Variants in SOX6 observed in about 807,000 individuals in gnomAD.
SOX6 encodes SRY-box transcription factor 6.
Under a neutral mutation model 97.8 loss-of-function variants are expected in SOX6, and 11 were observed. The ratio of observed to expected loss-of-function variants is 0.11; its 90% confidence interval spans 0.07 to 0.19. The LOEUF (loss-of-function observed/expected upper bound fraction) is 0.19, where lower values mean the gene tolerates loss of function less well. Among genes scored for constraint, SOX6 ranks in the 10% least tolerant of loss-of-function variants. The pLI, the probability that SOX6 is intolerant of heterozygous loss-of-function variation, is 1.00. For missense variants in SOX6, 810 were observed against 1,039.5 expected, an observed-to-expected ratio of 0.78 and a Z score of 3.04; for synonymous variants, 360 against 371.4, an observed-to-expected ratio of 0.97 and a Z score of 0.35.
At position 16,049,736 on chromosome 11, in the gene SOX6, T is replaced by G; in HGVS notation, c.1435+19A>C. 1 of 1,612,940 alleles carries G rather than the reference T, an allele frequency of 6.2e-7. No homozygotes were observed. The highest frequency in any genetic ancestry group is 8.5e-7 in the Non-Finnish European group (1 of 1,179,702). On this transcript the variant is annotated intron_variant, in intron 11 of 15. Coordinates refer to ENST00000683767, the MANE Select transcript of SOX6 (RefSeq NM_001367873.1). ...ACCTAATTCGTAAGTCTCTTCCTGG[T>G]GTTGACTTTTCCATTTACCTAAAGA...
chr11:16,433,515 CA>C (rs1220810657), intron 1 of SOX6, among the ~76,000 whole-genome samples: 1 of 152,064 alleles, frequency 6.6e-6, no homozygotes, highest in Non-Finnish European at 1.5e-5. Flanking sequence ...TTTCAATTAT[CA>C]ACCAATGGAT....
intron 1 of SOX6, among the ~76,000 whole-genome samples, chr11:16,471,914 A>G (rs1860148117): frequency 6.6e-6 from 1 of 152,238 alleles, no homozygotes; most frequent in Non-Finnish European, 1.5e-5. Context: ...GACTAGCATG[A>G]CATGTGCCTA....
intron 3 of SOX6, among the ~76,000 whole-genome samples, chr11:16,707,301 T>A: frequency 6.6e-6 from 1 of 151,520 alleles, no homozygotes. Flanking sequence ...CATGTCTGTG[T>A]GTCAAAGAAA....
chr11:16,120,581 T>TATATATATATATATAC (rs140473523), intron 6 of SOX6, among the ~76,000 whole-genome samples: 11 of 149,630 alleles, frequency 7.4e-5, no homozygotes, highest in East Asian at 4.0e-4. Context: ...TATATATATA[T>TATATATATATATATAC]ACACACACTT....
intron 4 of SOX6, among the ~76,000 whole-genome samples, chr11:16,509,516 T>C (rs1565166896): frequency 6.6e-6 from 1 of 152,026 alleles, no homozygotes; most frequent in Non-Finnish European, 1.5e-5. Flanking sequence ...TATAACATGC[T>C]GTTTTTCAAA....
At chr11:16,478,942 C>A (rs75812254), upstream of SOX6, among the ~76,000 whole-genome samples, 1 of 152,174 alleles carries the variant, frequency 6.6e-6, no homozygotes, top group Non-Finnish European at 1.5e-5. Context: ...ATCCTCAGAA[C>A]GCCTAATCAC....
At chr11:16,433,956 C>T (rs1281936974) in intron 1 of SOX6, among the ~76,000 whole-genome samples, 1 of 152,014 alleles carries the variant, frequency 6.6e-6, no homozygotes, top group African/African-American at 2.4e-5. Context: ...ACACAAAGGC[C>T]TTCAGGATTT....
intron 3 of SOX6, chr11:16,264,679 G>A (rs1164161908): frequency 7.1e-5 from 1 of 14,086 alleles, no homozygotes; most frequent in Non-Finnish European, 2.5e-3. Context: ...TAACTTCCAT[G>A]CCCTCCAAAA....
chr11:16,484,983 C>T (rs74489430), intron 4 of SOX6, among the ~76,000 whole-genome samples: 3 of 152,140 alleles, frequency 2.0e-5, no homozygotes, highest in African/African-American at 7.2e-5. Context: ...ATACTATTCA[C>T]ACCCACTAGG....
chr11:16,579,026 T>G (rs1184317255), intron 4 of SOX6, among the ~76,000 whole-genome samples: 2 of 152,148 alleles, frequency 1.3e-5, no homozygotes, highest in Non-Finnish European at 2.9e-5. Context: ...TTGTCTGAGC[T>G]GTGATTCTAT....
intron 4 of SOX6, among the ~76,000 whole-genome samples, chr11:16,609,685 C>T (rs578072115): frequency 2.4e-4 from 37 of 152,322 alleles, no homozygotes; most frequent in Non-Finnish European, 4.6e-4. Context: ...TTAAAATATA[C>T]TCCATGTTGG....
In SOX6 at chr11:16,006,628, G is replaced by A. The variant is rs188884366; in HGVS notation, c.1732+8314C>T. ...TTATCTCCAGCCACACTTCTATCAG[G>A]TTTTCCAGAACCATTGCTGTCCACA... is the stretch of plus-strand genomic sequence containing the variant. On this transcript the variant is annotated intron_variant, in intron 13 of 15. Coordinates refer to ENST00000683767, the MANE Select transcript of SOX6 (RefSeq NM_001367873.1). Among the ~76,000 whole-genome samples the A allele has an allele frequency of 1.7e-3, 262 of 152,032 alleles. 3 individuals are homozygous for A. Among genetic ancestry groups the A allele is most frequent in the Admixed American group, 3.0e-3 (46 of 15,224 alleles).
At chr11:16,501,197 T>C (rs1283625805) in intron 4 of SOX6, among the ~76,000 whole-genome samples, 2 of 152,082 alleles carry the variant, frequency 1.3e-5, no homozygotes, top group East Asian at 1.9e-4. Context: ...CTGACAAAAA[T>C]AGGAAATGGG....
intron 3 of SOX6, among the ~76,000 whole-genome samples, chr11:16,290,450 C>T (rs907467487): frequency 1.3e-5 from 2 of 151,952 alleles, no homozygotes; most frequent in African/African-American, 4.8e-5. Flanking sequence ...AAATACTATG[C>T]TGAGACAGAA....
At chr11:16,343,143 G>A (rs1368862097) in intron 1 of SOX6, among the ~76,000 whole-genome samples, 12 of 151,708 alleles carry the variant, frequency 7.9e-5, no homozygotes, top group Admixed American at 7.9e-4. Context: ...TACTTTACCG[G>A]CCCCATAACT....
At chr11:16,661,576 C>G (rs1375196627) in intron 3 of SOX6, among the ~76,000 whole-genome samples, 1 of 151,992 alleles carries the variant, frequency 6.6e-6, no homozygotes, top group Non-Finnish European at 1.5e-5. Context: ...GAGACAAGGT[C>G]CTGCTCTGTC....
At chr11:16,494,774 A>T (rs1860567335) in intron 4 of SOX6, among the ~76,000 whole-genome samples, 1 of 152,096 alleles carries the variant, frequency 6.6e-6, no homozygotes, top group African/African-American at 2.4e-5. Flanking sequence ...GAAGTGAAAG[A>T]CCCTCAGTGG....
chr11:16,059,317 T>C (rs1847891734), intron 9 of SOX6, among the ~76,000 whole-genome samples: 1 of 152,064 alleles, frequency 6.6e-6, no homozygotes, highest in Non-Finnish European at 1.5e-5. Flanking sequence ...CATTCAAATA[T>C]TTTCTTTTCT....
At chr11:16,168,625 A>AT (rs1205978208) in intron 6 of SOX6, among the ~76,000 whole-genome samples, 5 of 152,122 alleles carry the variant, frequency 3.3e-5, no homozygotes, top group African/African-American at 1.2e-4. Flanking sequence ...CTGGGAGGAA[A>AT]TGGCTTTTAC....
Sources: allele counts gnomAD v4.1 joint callset (sites outside exome capture counted in the v4.1 genomes callset), GRCh38; gene constraint gnomAD v4.1.1; transcripts MANE v1.5; gene names NCBI Gene and HGNC (gene_info 2026-07-23, HGNC 2026-07-21).